The following ZFHX3 variants were observed in gnomAD, a reference collection of about 807,000 sequenced individuals.
ZFHX3 encodes zinc finger homeobox protein 3.
In ZFHX3, 42 loss-of-function variants were observed where a neutral mutation model predicts 279.1. The ratio of observed to expected loss-of-function variants is 0.15; its 90% CI spans 0.12 to 0.19. The LOEUF (loss-of-function observed/expected upper bound fraction) is 0.19. Ranked by LOEUF, ZFHX3 falls within the 10% of genes least tolerant of loss-of-function variation. The pLI, the probability that ZFHX3 is intolerant of heterozygous loss-of-function variation, is 1.00. For synonymous variants in ZFHX3, 2,293 were observed against 1,957.8 expected, an observed-to-expected ratio of 1.17 and a Z score of -4.52; for missense variants, 4,981 against 4,754.0, an observed-to-expected ratio of 1.05 and a Z score of -1.40.
chr16:72,928,023 A>G (rs1959555232), intron 3 of ZFHX3, among the ~76,000 whole-genome samples: 1 of 144,540 alleles, frequency 6.9e-6, no homozygotes, highest in South Asian at 2.3e-4. Flanking sequence ...CAGGCTGCAC[A>G]GTGCCCCCTG....
At chr16:73,418,560 T>A (rs1479456814) in intron 3 of ZFHX3, among the ~76,000 whole-genome samples, 2 of 152,196 alleles carry the variant, frequency 1.3e-5, no homozygotes, top group Non-Finnish European at 2.9e-5. Context: ...AGAGTATGTG[T>A]GAGAAAAAGA....
rs572483184 is a variant in ZFHX3 at position 73,628,138 on chromosome 16, C to T, written c.-1547+52042G>A. 3.9e-5 allele frequency among the ~76,000 whole-genome samples: 6 copies of T among 152,246 alleles called. No homozygotes were observed. The South Asian group carries it at 1.0e-3, about 26-fold the overall frequency. On this transcript the variant is annotated intron_variant, in intron 2 of 17. Transcript: ENST00000641206. Reference sequence around the variant, plus strand: ...CTACCCAACGTGTCTACCTCCAACCCGTTAACTCCTTCTATCACATACCTG... The same window carrying T: ...CTACCCAACGTGTCTACCTCCAACCTGTTAACTCCTTCTATCACATACCTG...
intron 5 of ZFHX3, among the ~76,000 whole-genome samples, chr16:73,187,920 G>A (rs538009647): frequency 2.0e-5 from 3 of 151,532 alleles, no homozygotes; most frequent in East Asian, 2.0e-4. Context: ...GTGCAATGGC[G>A]TGATCTCGGC....
intron 2 of ZFHX3, among the ~76,000 whole-genome samples, chr16:73,581,235 T>A (rs1345030785): frequency 6.6e-6 from 1 of 151,846 alleles, no homozygotes; most frequent in East Asian, 1.9e-4. Context: ...CCCACCAACA[T>A]AGACAATAAA....
intron 4 of ZFHX3, among the ~76,000 whole-genome samples, chr16:73,272,677 A>G (rs955839055): frequency 6.6e-6 from 1 of 152,226 alleles, no homozygotes; most frequent in Non-Finnish European, 1.5e-5. Flanking sequence ...ATAACCAATC[A>G]ATATTTCAAC....
At chr16:73,379,747 G>T (rs1309504952) in intron 3 of ZFHX3, among the ~76,000 whole-genome samples, 2 of 152,170 alleles carry the variant, frequency 1.3e-5, no homozygotes, top group Non-Finnish European at 2.9e-5. Flanking sequence ...GGGACAAAGG[G>T]TGGAGTCTTA....
rs566355141 is a variant in ZFHX3 at position 73,546,769 on chromosome 16, T to C, written c.-1546-90511A>G. Among the ~76,000 whole-genome samples, 4 of 151,718 alleles carry C rather than the reference T, an allele frequency of 2.6e-5. No individual in the cohort carries two copies. The East Asian group carries it at 7.8e-4, about 29-fold the overall frequency. On this transcript the variant is annotated intron_variant, in intron 2 of 17. Transcript: ENST00000641206. ...TTTTTCGGCTTCTTCTTCTCCTTTT[T>C]TAATCAGGCAGACATTTGGGAAATG...
At chr16:73,241,619 C>A (rs913813845) in intron 5 of ZFHX3, among the ~76,000 whole-genome samples, 1 of 151,816 alleles carries the variant, frequency 6.6e-6, no homozygotes, top group Non-Finnish European at 1.5e-5. Flanking sequence ...GGAGAAACCC[C>A]GTCTCTACTA....
intron 1 of ZFHX3, among the ~76,000 whole-genome samples, chr16:73,691,868 T>C (rs937179366): frequency 9.9e-5 from 15 of 152,218 alleles, no homozygotes; most frequent in African/African-American, 3.1e-4. Flanking sequence ...CTTCTAAAAA[T>C]GTTTAAGGAG....
At chr16:73,179,651 G>C (rs563680864) in intron 5 of ZFHX3, among the ~76,000 whole-genome samples, 26 of 151,998 alleles carry the variant, frequency 1.7e-4, no homozygotes, top group Admixed American at 5.2e-4. Flanking sequence ...GCTCAACTCA[G>C]AGACACTAAA....
At chr16:73,550,331 A>T (rs1384000244) in intron 2 of ZFHX3, among the ~76,000 whole-genome samples, 2 of 152,100 alleles carry the variant, frequency 1.3e-5, no homozygotes, top group African/African-American at 4.8e-5. Flanking sequence ...CCCTCTGCTG[A>T]CCATTAGACC....
chr16:73,817,391 A>C (rs1960603599), intron 1 of ZFHX3, among the ~76,000 whole-genome samples: 2 of 152,188 alleles, frequency 1.3e-5, no homozygotes. Context: ...GCAGGTCAAT[A>C]TCCTGTCATC....
At chr16:72,966,964 C>A (rs1033143928) in intron 1 of ZFHX3, among the ~76,000 whole-genome samples, 1 of 152,182 alleles carries the variant, frequency 6.6e-6, no homozygotes, top group Non-Finnish European at 1.5e-5. Flanking sequence ...CTGTATCAGG[C>A]AGCCTATGAA....
intron 3 of ZFHX3, among the ~76,000 whole-genome samples, chr16:73,436,409 T>C (rs1178290476): frequency 1.3e-5 from 2 of 152,130 alleles, no homozygotes; most frequent in Non-Finnish European, 2.9e-5. Context: ...ACGTCTTACA[T>C]GGCAGCAGAC....
intron 3 of ZFHX3, among the ~76,000 whole-genome samples, chr16:73,429,606 C>T (rs2011314): frequency 0.67 from 101,691 of 152,034 alleles, 35,293 homozygotes; most frequent in East Asian, 0.87. Context: ...GTGCTGGGAT[C>T]ACGGGCATGA....
chr16:73,515,934 G>A (rs1203232546), intron 2 of ZFHX3, among the ~76,000 whole-genome samples: 8 of 152,190 alleles, frequency 5.3e-5, no homozygotes. Context: ...CTGTGCAAAT[G>A]CAAACACATT....
At chr16:73,682,538 C>T (rs1305660480) in intron 1 of ZFHX3, among the ~76,000 whole-genome samples, 1 of 152,036 alleles carries the variant, frequency 6.6e-6, no homozygotes, top group Non-Finnish European at 1.5e-5. Flanking sequence ...GTAATCCCAG[C>T]AGTTTCGGAA....
In ZFHX3 at chr16:73,270,014, C is replaced by T. The variant is rs1412752961; in HGVS notation, c.-1193-12878G>A. Among the ~76,000 whole-genome samples, 3 of 152,240 alleles carry T rather than the reference C, an allele frequency of 2.0e-5. No homozygotes were observed. In the East Asian group the frequency reaches 5.8e-4, roughly 29 times the overall value. On this transcript the variant is annotated intron_variant, in intron 4 of 17. Transcript: ENST00000641206. ...CCACTCACCTCGGGCTTCCAAAGTG[C>T]TGGGATTACAGGTACGAGCCACCAT... is the stretch of plus-strand genomic sequence containing the variant.
chr16:73,481,143 A>T (rs944551926), intron 2 of ZFHX3, among the ~76,000 whole-genome samples: 2 of 152,108 alleles, frequency 1.3e-5, no homozygotes, highest in African/African-American at 4.8e-5. Context: ...AGCCCGGCCA[A>T]CATGGAGAAA....
Sources: allele counts gnomAD v4.1 joint callset (sites outside exome capture counted in the v4.1 genomes callset), GRCh38; gene constraint gnomAD v4.1.1; transcripts MANE v1.5; gene names NCBI Gene and HGNC (gene_info 2026-07-23, HGNC 2026-07-21).